FTO: variants seen among roughly 807,000 people sequenced by gnomAD.
FTO encodes the protein alpha-ketoglutarate-dependent dioxygenase FTO.
A neutral mutation model predicts 63.9 loss-of-function variants in FTO; 47 were observed. That is an observed-to-expected ratio of 0.74 (90% CI 0.58 to 0.94). The LOEUF is 0.94. Among genes scored for constraint, FTO ranks in the 40% least tolerant of loss-of-function variants. FTO has a pLI of 0.00. For synonymous variants in FTO, 207 were observed against 224.4 expected, an observed-to-expected ratio of 0.92 and a Z score of 0.69; for missense variants, 562 against 618.1, an observed-to-expected ratio of 0.91 and a Z score of 0.96.
chr16:53,760,881 C>G (rs1285215988), intron 1 of FTO, among the ~76,000 whole-genome samples: 2 of 152,096 alleles, frequency 1.3e-5, no homozygotes, highest in African/African-American at 4.8e-5. Flanking sequence ...CCTGCCTTGG[C>G]CTCCCAAAGT....
intron 8 of FTO, among the ~76,000 whole-genome samples, chr16:54,056,809 A>G (rs892246187): frequency 3.3e-5 from 5 of 152,246 alleles, no homozygotes; most frequent in Admixed American, 6.5e-5. Context: ...CCTGACCCAC[A>G]GAAACTGTGA....
At chr16:53,810,285 G>A (rs2078487178) in intron 2 of FTO, 68 bp downstream of exon 2, 1 of 1,143,402 alleles carries the variant, frequency 8.7e-7, no homozygotes, top group African/African-American at 1.5e-5. Context: ...TACCTATGAG[G>A]AAGCTGGGCT....
chr16:54,094,435 C>G (rs2086465504), intron 8 of FTO, among the ~76,000 whole-genome samples: 1 of 152,236 alleles, frequency 6.6e-6, no homozygotes, highest in South Asian at 2.1e-4. Context: ...AAACTCCTTT[C>G]TAACCAAGTC....
chr16:53,829,146 T>C (rs1355838620), intron 3 of FTO, among the ~76,000 whole-genome samples: 1 of 152,202 alleles, frequency 6.6e-6, no homozygotes. Context: ...TGCCTTGGTC[T>C]CCCAAAGTGC....
chr16:54,082,577 G>A (rs2086175326), intron 8 of FTO, among the ~76,000 whole-genome samples: 1 of 152,176 alleles, frequency 6.6e-6, no homozygotes, highest in Non-Finnish European at 1.5e-5. Flanking sequence ...ACCTACAGGA[G>A]AGTCCTTCTT....
At chr16:54,081,386 G>A (rs569883739) in intron 8 of FTO, among the ~76,000 whole-genome samples, 1 of 152,222 alleles carries the variant, frequency 6.6e-6, no homozygotes, top group Admixed American at 6.5e-5. Context: ...TATGTGATTA[G>A]CTAAACTAGC....
chr16:53,964,941 G>A (rs1177989659), intron 8 of FTO, among the ~76,000 whole-genome samples: 7 of 152,134 alleles, frequency 4.6e-5, no homozygotes, highest in Non-Finnish European at 1.0e-4. Context: ...TTATAATGAA[G>A]CTTTTTTCCC....
chr16:53,862,822 G>A (rs552455873), intron 4 of FTO, among the ~76,000 whole-genome samples: 6 of 152,194 alleles, frequency 3.9e-5, no homozygotes, highest in South Asian at 2.1e-4. Context: ...TGGGATTACC[G>A]GTGTGAGCCA....
chr16:53,932,392 G>GT (rs1277490248), intron 7 of FTO, among the ~76,000 whole-genome samples: 3,925 of 140,884 alleles, frequency 0.028, 73 homozygotes, highest in South Asian at 0.058. Context: ...TTCTGATGTG[G>GT]TTTTTTTTTT....
At chr16:53,954,284 ATCT>A (rs2082869504) in intron 8 of FTO, among the ~76,000 whole-genome samples, 1 of 152,230 alleles carries the variant, frequency 6.6e-6, no homozygotes, top group Admixed American at 6.5e-5. Context: ...CAAAGAAATA[ATCT>A]TCTTTTAACA....
intron 1 of FTO, among the ~76,000 whole-genome samples, chr16:53,765,819 G>A (rs895594075): frequency 1.3e-5 from 2 of 152,046 alleles, no homozygotes; most frequent in Admixed American, 6.5e-5. Context: ...AGAAGGAAAC[G>A]AAAGGGCAAA....
At chr16:53,763,596 C>T (rs981484464) in intron 1 of FTO, among the ~76,000 whole-genome samples, 4 of 152,240 alleles carry the variant, frequency 2.6e-5, no homozygotes, top group African/African-American at 9.6e-5. Flanking sequence ...TAAACTAACG[C>T]ATGATTACAT....
chr16:53,819,301 CTGGGACCACAGG>C (rs1414534769), intron 2 of FTO, among the ~76,000 whole-genome samples: 1 of 152,134 alleles, frequency 6.6e-6, no homozygotes, highest in African/African-American at 2.4e-5. Flanking sequence ...GCCCAAGTAG[CTGGGACCACAGG>C]TGCATGCCAC....
chr16:53,721,626 C>G (rs1338520011), intron 1 of FTO, among the ~76,000 whole-genome samples: 1 of 152,060 alleles, frequency 6.6e-6, no homozygotes, highest in Non-Finnish European at 1.5e-5. Context: ...TTCCCATGTT[C>G]TTTGGGGAAA....
chr16:54,033,010 C>T, intron 8 of FTO, among the ~76,000 whole-genome samples: 1 of 152,232 alleles, frequency 6.6e-6, no homozygotes, highest in South Asian at 2.1e-4. Context: ...AGAAGCCAAG[C>T]ATATTCCAGT....
At chr16:54,003,401 T>C (rs545913668) in intron 8 of FTO, among the ~76,000 whole-genome samples, 2 of 152,386 alleles carry the variant, frequency 1.3e-5, no homozygotes, top group South Asian at 2.1e-4. Context: ...GTCATTATTG[T>C]CACCCACTTA....
chr16:54,037,315 A>G (rs1286856891), intron 8 of FTO, among the ~76,000 whole-genome samples: 1 of 152,164 alleles, frequency 6.6e-6, no homozygotes, highest in African/African-American at 2.4e-5. Flanking sequence ...ATGTATTTCC[A>G]CTGGACCACT....
intron 4 of FTO, among the ~76,000 whole-genome samples, chr16:53,865,892 C>CT (rs1478846043): frequency 6.6e-6 from 1 of 152,126 alleles, no homozygotes. Context: ...CTTTTGTTTT[C>CT]TTTTCCTGTC....
intron 8 of FTO, among the ~76,000 whole-genome samples, chr16:53,941,437 T>C (rs879873880): frequency 2.0e-5 from 3 of 152,184 alleles, no homozygotes; most frequent in African/African-American, 4.8e-5. Context: ...GCTTAAAAAA[T>C]GAAGTAACCT....
Sources: allele counts gnomAD v4.1 joint callset (sites outside exome capture counted in the v4.1 genomes callset), GRCh38; gene constraint gnomAD v4.1.1; transcripts MANE v1.5; gene names NCBI Gene and HGNC (gene_info 2026-07-23, HGNC 2026-07-21).